Variants in SEL1L observed in about 807,000 individuals in gnomAD.
SEL1L encodes protein sel-1 homolog 1.
In SEL1L, 52 loss-of-function variants were observed where a neutral mutation model predicts 109.8. The ratio of observed to expected loss-of-function variants is 0.47; its 90% CI spans 0.38 to 0.60. The LOEUF (loss-of-function observed/expected upper bound fraction) is 0.60, where lower values mean the gene tolerates loss of function less well. Ranked by LOEUF, SEL1L falls within the 20% of genes least tolerant of loss-of-function variation. The pLI, the probability that SEL1L is intolerant of heterozygous loss-of-function variation, is 0.00. For missense variants in SEL1L, 749 were observed against 962.2 expected (o/e 0.78, Z 2.93); for synonymous variants, 373 against 339.6 (o/e 1.10, Z -1.08).
intron 1 of SEL1L, among the ~76,000 whole-genome samples, chr14:81,532,808 C>G (rs1172005446): frequency 6.6e-6 from 1 of 152,150 alleles, no homozygotes; most frequent in Non-Finnish European, 1.5e-5. Flanking sequence ...GAACACCTGT[C>G]CTGTTAACTG....
At chr14:81,529,954 T>G (rs1885262085) in intron 1 of SEL1L, among the ~76,000 whole-genome samples, 1 of 152,140 alleles carries the variant, frequency 6.6e-6, no homozygotes, top group Non-Finnish European at 1.5e-5. Flanking sequence ...AAGAAAAAAA[T>G]GCAAAAGGAT....
chr14:81,503,075 C>T (rs981790099), intron 5 of SEL1L, among the ~76,000 whole-genome samples, 192 bp from the exon 6 acceptor site: 1 of 152,194 alleles, frequency 6.6e-6, no homozygotes, highest in Non-Finnish European at 1.5e-5. Context: ...TCATTGCAAC[C>T]TCCACCTCCC....
At position 81,473,124 on chromosome 14, in the gene SEL1L, C is replaced by T. The variant is rs765623057; in HGVS notation, c.*3848G>A. ...AATGCCAGCTTAAGGTCTTTTAAAA[C>T]TTCCTCTTCTACATATTTATAGTGG... On this transcript the variant is annotated 3_prime_UTR_variant, in exon 21 of 21. Coordinates refer to ENST00000336735, the MANE Select transcript of SEL1L (RefSeq NM_005065.6). 1 of 152,292 alleles carries T rather than the reference C, an allele frequency of 6.6e-6. No homozygotes were observed. Among genetic ancestry groups the T allele is most frequent in the Non-Finnish European group, 1.5e-5 (1 of 68,084 alleles). The allele number at this position is 152,292 out of a possible 1,614,324, so 9.4% of individuals were successfully genotyped here. A position where few individuals can be genotyped will look rare whatever the true frequency, so the allele number is the denominator to read the frequency against.
chr14:81,495,278 AAAATG>A, intron 10 of SEL1L, 141 bp from the exon 11 acceptor site: 1 of 708,828 alleles, frequency 1.4e-6, no homozygotes, highest in East Asian at 2.7e-5. Context: ...TTAACTCCTG[AAAATG>A]CTATTCTACT....
intron 16 of SEL1L, among the ~76,000 whole-genome samples, chr14:81,486,996 GTTCT>G (rs1200188949): frequency 6.8e-6 from 1 of 146,516 alleles, no homozygotes; most frequent in Non-Finnish European, 1.5e-5. Flanking sequence ...TAAGAGATAG[GTTCT>G]TTCTATGTTG....
At chr14:81,514,145 AC>A (rs1346764403) in intron 3 of SEL1L, among the ~76,000 whole-genome samples, 2 of 152,204 alleles carry the variant, frequency 1.3e-5, no homozygotes, top group African/African-American at 4.8e-5. Flanking sequence ...GGGCTCACTA[AC>A]CAGAAAGACA....
At chr14:81,499,208 C>T in intron 8 of SEL1L, 1 of 1,194,916 alleles carries the variant, frequency 8.4e-7, no homozygotes, top group Non-Finnish European at 1.0e-6. Context: ...AGCCATTTAT[C>T]AGATCTCTCT....
In SEL1L at chr14:81,506,058, A is replaced by C. The variant is rs1884225173; in HGVS notation, c.508+16T>G. On this transcript the variant is annotated intron_variant, in intron 4 of 20. Transcript: ENST00000336735. ...ATAAAGCAATGCAGATCTGCCTCCT[A>C]CTGAGCAATACTTACTTTCACAAAA... 1 of 1,611,462 alleles carries C rather than the reference A, an allele frequency of 6.2e-7. No homozygotes were observed. Among genetic ancestry groups the C allele is most frequent in the South Asian group, 1.1e-5 (1 of 90,706 alleles).
At chr14:81,496,556 T>C (rs1385679209) in intron 10 of SEL1L, among the ~76,000 whole-genome samples, 1 of 152,006 alleles carries the variant, frequency 6.6e-6, no homozygotes, top group Non-Finnish European at 1.5e-5. Flanking sequence ...CTGGCCAACA[T>C]GGTGAAACTC....
At chr14:81,498,360 G>A (rs978043451) in intron 9 of SEL1L, 53 bp downstream of exon 9, 1 of 1,411,518 alleles carries the variant, frequency 7.1e-7, no homozygotes, top group Non-Finnish European at 9.9e-7. Context: ...AATGTTTAAA[G>A]TTAATTCCAT....
chr14:81,492,812 G>C (rs1211664537), intron 11 of SEL1L, among the ~76,000 whole-genome samples: 5 of 152,096 alleles, frequency 3.3e-5, no homozygotes, highest in African/African-American at 1.2e-4. Context: ...TAAACGTAAG[G>C]TACAACAAGC....
chr14:81,496,063 C>T (rs1467195776), intron 10 of SEL1L, among the ~76,000 whole-genome samples: 1 of 152,222 alleles, frequency 6.6e-6, no homozygotes, highest in Non-Finnish European at 1.5e-5. Flanking sequence ...GTGCCTCACG[C>T]CTGTAATCCC....
At chr14:81,518,297 TA>T (rs1178393055) in intron 3 of SEL1L, among the ~76,000 whole-genome samples, 9,062 of 141,770 alleles carry the variant, frequency 0.064, 882 homozygotes, top group African/African-American at 0.22. Flanking sequence ...TGCAGCTGAT[TA>T]AAAAAAAAAA....
At chr14:81,486,570 C>T in intron 16 of SEL1L, 116 bp from the exon 17 acceptor site, 2 of 957,886 alleles carry the variant, frequency 2.1e-6, no homozygotes, top group African/African-American at 1.6e-5. Context: ...CAATTTCTGG[C>T]AGCTTTCTTG....
chr14:81,488,271 C>G (rs1195395595), intron 14 of SEL1L, among the ~76,000 whole-genome samples: 1 of 152,136 alleles, frequency 6.6e-6, no homozygotes, highest in Non-Finnish European at 1.5e-5. Context: ...TTTTAAACCT[C>G]AATTTTCCTA....
At chr14:81,500,092 G>A (rs1005349119) in intron 6 of SEL1L, among the ~76,000 whole-genome samples, 2 of 149,984 alleles carry the variant, frequency 1.3e-5, no homozygotes, top group African/African-American at 2.5e-5. Flanking sequence ...GTACTTTTTG[G>A]TAGAGACAGG....
intron 1 of SEL1L, among the ~76,000 whole-genome samples, chr14:81,533,089 G>T (rs1208056157): frequency 2.0e-5 from 3 of 152,050 alleles, no homozygotes; most frequent in Admixed American, 6.5e-5. Flanking sequence ...AACAAACATG[G>T]GGCAACTCAG....
intron 3 of SEL1L, among the ~76,000 whole-genome samples, chr14:81,518,675 A>AG (rs2140048030): frequency 6.7e-6 from 1 of 150,176 alleles, no homozygotes; most frequent in African/African-American, 2.5e-5. Flanking sequence ...AAAAAAAAAA[A>AG]AAAAAGGTAA....
At chr14:81,487,689 T>A in intron 15 of SEL1L, 151 bp from the exon 16 acceptor site, 1 of 1,500,938 alleles carries the variant, frequency 6.7e-7, no homozygotes, top group Non-Finnish European at 8.9e-7. Flanking sequence ...CTGATACAGA[T>A]TAATATAATT....
Sources: allele counts gnomAD v4.1 joint callset (sites outside exome capture counted in the v4.1 genomes callset), GRCh38; gene constraint gnomAD v4.1.1; transcripts MANE v1.5; gene names NCBI Gene and HGNC (gene_info 2026-07-23, HGNC 2026-07-21).